KLHL22: variants seen among roughly 807,000 people sequenced by gnomAD.
The protein encoded by KLHL22 is kelch-like protein 22.
Under a neutral mutation model 60.7 loss-of-function variants are expected in KLHL22, and 18 were observed. The observed-to-expected ratio is 0.30, with a 90% CI of 0.20 to 0.44. The LOEUF (loss-of-function observed/expected upper bound fraction) is 0.44. Ranked by LOEUF, KLHL22 falls within the 20% of genes least tolerant of loss-of-function variation. KLHL22 has a pLI of 1.00. For synonymous variants in KLHL22, 355 were observed against 354.5 expected, an observed-to-expected ratio of 1.00 and a Z score of -0.01; for missense variants, 596 against 852.3, an observed-to-expected ratio of 0.70 and a Z score of 3.74.
Position 20,465,213 on chromosome 22 carries a change from C to T in KLHL22, c.757G>A (p.Val253Ile). The part of the protein sequence containing the change: ...TVRFPLMEAE[V>I]LQRLHDKLDP... ...AGCTTGTCATGCAGCCGCTGCAGGACCTCAGCTTCCATCAGCGGAAACCGC... is the reference window on the plus strand; with the variant it reads ...AGCTTGTCATGCAGCCGCTGCAGGATCTCAGCTTCCATCAGCGGAAACCGC... Residue 253 changes from valine to isoleucine, a missense_variant, in exon 4 of 7, where the codon GTC (valine) becomes ATC (isoleucine). Coordinates refer to ENST00000328879, the MANE Select transcript of KLHL22 (RefSeq NM_032775.4). This position sits in a 1 kb window ranked among gnomAD's most constrained non-coding sequence, Gnocchi z 4.9. 6.2e-7 allele frequency: 1 copy of T among 1,613,888 alleles called. No homozygotes were observed. The highest frequency in any genetic ancestry group is 8.5e-7 in the Non-Finnish European group (1 of 1,180,014).
chr22:20,474,201 G>T (rs766590416), intron 2 of KLHL22, among the ~76,000 whole-genome samples: 73 of 151,980 alleles, frequency 4.8e-4, no homozygotes, highest in Non-Finnish European at 9.4e-4. Context: ...GGGTTTCACC[G>T]TGTTAGCCAG....
In KLHL22 at chr22:20,447,914, G is replaced by A. The variant is rs533775846; in HGVS notation, c.1306-1238C>T. 6.6e-5 allele frequency among the ~76,000 whole-genome samples: 10 copies of A among 152,208 alleles called. No individual in the cohort carries two copies. The East Asian group carries it at 1.9e-3, about 29-fold the overall frequency. ...ACGTGTAGTTGGAAGTAAAAATACA[G>A]AGGTCTCACGTGCCTTCTTTCCCCC... On this transcript the variant is annotated intron_variant, in intron 5 of 6. Coordinates refer to ENST00000328879, the MANE Select transcript of KLHL22 (RefSeq NM_032775.4).
chr22:20,443,195 A>G (rs933700575), intron 6 of KLHL22, among the ~76,000 whole-genome samples: 4 of 152,254 alleles, frequency 2.6e-5, no homozygotes, highest in Admixed American at 2.0e-4. Flanking sequence ...ATTAAGAGCC[A>G]TAAAAATCTT....
intron 6 of KLHL22, among the ~76,000 whole-genome samples, chr22:20,442,674 T>C (rs1321940355): frequency 1.3e-5 from 2 of 152,238 alleles, no homozygotes; most frequent in Non-Finnish European, 2.9e-5. Context: ...TCCCCTAGAA[T>C]GATCCTATTC....
chr22:20,473,621 A>G (rs370082986), intron 2 of KLHL22, among the ~76,000 whole-genome samples: 2 of 152,366 alleles, frequency 1.3e-5, no homozygotes, highest in East Asian at 3.9e-4. Context: ...CACGCCTGTA[A>G]TCCCAGGACT....
At chr22:20,476,027 G>A (rs1601370011) in intron 2 of KLHL22, among the ~76,000 whole-genome samples, 1 of 152,230 alleles carries the variant, frequency 6.6e-6, no homozygotes, top group African/African-American at 2.4e-5. Flanking sequence ...TATTTTAGGG[G>A]GTTATGTTAA....
At chr22:20,481,094 G>A (rs1026508032) in intron 2 of KLHL22, 1 of 151,578 alleles carries the variant, frequency 6.6e-6, no homozygotes, top group African/African-American at 2.4e-5. Flanking sequence ...GCCTCCCAAA[G>A]TACTGGGATT....
intron 4 of KLHL22, among the ~76,000 whole-genome samples, chr22:20,461,928 ATC>A (rs1184977346): frequency 6.6e-6 from 1 of 151,920 alleles, no homozygotes; most frequent in Non-Finnish European, 1.5e-5. Context: ...GTGAAACCCT[ATC>A]TCTACTAAAA....
intron 4 of KLHL22, among the ~76,000 whole-genome samples, chr22:20,459,492 G>A (rs756388347): frequency 2.0e-5 from 3 of 152,160 alleles, no homozygotes; most frequent in African/African-American, 4.8e-5. Context: ...CTTGGGATTC[G>A]CTCAGTTCTG....
chr22:20,492,730 C>G (rs895875011), intron 1 of KLHL22, among the ~76,000 whole-genome samples: 1 of 152,092 alleles, frequency 6.6e-6, no homozygotes, highest in Admixed American at 6.6e-5. Flanking sequence ...GCTGGGATTA[C>G]AGGCGTGCAC....
At position 20,465,047 on chromosome 22, in the gene KLHL22, G is replaced by A; in HGVS notation, c.923C>T (p.Ser308Phe). The change falls in exon 4 of 7, where the codon TCC becomes TTC. Residue 308 changes from serine (S) to phenylalanine (F), a missense_variant. Ser to Phe is a radical substitution (Grantham distance 155). Coordinates refer to ENST00000328879, the MANE Select transcript of KLHL22 (RefSeq NM_032775.4). This position sits in a 1 kb window ranked among gnomAD's most constrained non-coding sequence, Gnocchi z 4.9. Reference protein sequence around the residue: ...QCVVGFGGIHSTPSTVLSDQA... With the variant: ...QCVVGFGGIHFTPSTVLSDQA... ...GTCGCTGAGGACAGTGGACGGCGTG[G>A]AGTGAATGCCCCCGAAGCCCACAAC... The A allele has an allele frequency of 6.2e-7, 1 of 1,611,666 alleles. No homozygotes were observed.
intron 2 of KLHL22, among the ~76,000 whole-genome samples, chr22:20,480,734 A>G (rs1569142407): frequency 6.6e-6 from 1 of 152,094 alleles, no homozygotes; most frequent in Non-Finnish European, 1.5e-5. Context: ...CCAAAAAAGT[A>G]TAAAGACTCA....
At chr22:20,486,828 T>A (rs972603458) in intron 2 of KLHL22, among the ~76,000 whole-genome samples, 1 of 151,510 alleles carries the variant, frequency 6.6e-6, no homozygotes, top group East Asian at 2.0e-4. Flanking sequence ...ATTACAGGCA[T>A]GTGCTACCAC....
At chr22:20,476,232 C>G (rs1259010361) in intron 2 of KLHL22, among the ~76,000 whole-genome samples, 1 of 152,110 alleles carries the variant, frequency 6.6e-6, no homozygotes, top group Non-Finnish European at 1.5e-5. Context: ...CTTTCCCATG[C>G]TCTTTACAGT....
chr22:20,476,731 A>C (rs1266861087), intron 2 of KLHL22, among the ~76,000 whole-genome samples: 2 of 108,878 alleles, frequency 1.8e-5, no homozygotes, highest in African/African-American at 7.4e-5. Context: ...TTTTTGTGAC[A>C]GAGTCTCGCT....
chr22:20,470,771 C>CACGGATGG (rs1456568439), intron 3 of KLHL22, among the ~76,000 whole-genome samples: 6 of 56,516 alleles, frequency 1.1e-4, no homozygotes, highest in South Asian at 6.2e-4. Context: ...TGGATGCATG[C>CACGGATGG]ATGGATGGAT....
At chr22:20,468,022 T>C (rs927385427) in intron 3 of KLHL22, among the ~76,000 whole-genome samples, 4 of 152,170 alleles carry the variant, frequency 2.6e-5, no homozygotes, top group African/African-American at 9.7e-5. Context: ...AGACATCTAA[T>C]ATTGCTTGCA....
intron 2 of KLHL22, among the ~76,000 whole-genome samples, chr22:20,480,011 ATTCAGCC>A (rs977183099): frequency 2.0e-5 from 3 of 152,228 alleles, no homozygotes; most frequent in African/African-American, 7.2e-5. Flanking sequence ...ATGGCACACT[ATTCAGCC>A]TTCAAAATGA....
At chr22:20,462,521 A>ATT (rs558617516) in intron 4 of KLHL22, among the ~76,000 whole-genome samples, 23 of 134,714 alleles carry the variant, frequency 1.7e-4, no homozygotes, top group African/African-American at 5.2e-4. Flanking sequence ...GGCCCAGCTA[A>ATT]TTTTTTTTTT....
Sources: allele counts gnomAD v4.1 joint callset (sites outside exome capture counted in the v4.1 genomes callset), GRCh38; gene constraint gnomAD v4.1.1; non-coding constraint Gnocchi (gnomAD v3.1); transcripts MANE v1.5; gene names NCBI Gene and HGNC (gene_info 2026-07-23, HGNC 2026-07-21).